The following PUM3 variants were observed in gnomAD, a reference collection of about 807,000 sequenced individuals.
PUM3 encodes pumilio RNA binding family member 3, also known as pumilio homolog 3.
In PUM3, 91 loss-of-function variants were observed where a neutral mutation model predicts 84.0. The ratio of observed to expected loss-of-function variants is 1.08; its 90% CI spans 0.91 to 1.29. The LOEUF (loss-of-function observed/expected upper bound fraction) is 1.29, where lower values mean the gene tolerates loss of function less well. PUM3 is among the 50% of genes most tolerant of loss of function. The pLI, the probability that PUM3 is intolerant of heterozygous loss-of-function variation, is 0.00. For missense variants in PUM3, 1,067 were observed against 767.5 expected (o/e 1.39, Z -4.61); for synonymous variants, 321 against 266.7 (o/e 1.20, Z -1.98).
At chr9:2,828,901 A>T (rs1319208761) in intron 8 of PUM3, 123 bp from the exon 9 acceptor site, 3 of 677,254 alleles carry the variant, frequency 4.4e-6, no homozygotes, top group Non-Finnish European at 7.8e-6. Flanking sequence ...CCATATTTAC[A>T]TAATGAAAGC....
rs940818193 is a variant in PUM3, at chr9:2,833,539, T to C, written c.441-107A>G. The C allele has an allele frequency of 1.1e-4, 63 of 580,250 alleles. No homozygotes were observed. In the Admixed American group the frequency reaches 2.3e-3, roughly 21 times the overall value. The allele number at this position is 580,250 out of a possible 1,614,324, so 35.9% of individuals were successfully genotyped here. On this transcript the variant is annotated intron_variant, in intron 4 of 17. Coordinates refer to ENST00000397885, the MANE Select transcript of PUM3 (RefSeq NM_014878.5). Reference sequence around the variant, plus strand: ...ATGTTCTCCAAGTTCAGCATGATTTTCTTTTCTAAGGCAGCAAACCTCTGC... The same window carrying C: ...ATGTTCTCCAAGTTCAGCATGATTTCCTTTTCTAAGGCAGCAAACCTCTGC...
rs1017424793 is a variant in PUM3 at position 2,811,257 on chromosome 9, A to C, written c.1635+104T>G. On this transcript the variant is annotated intron_variant, in intron 15 of 17. Transcript: ENST00000397885. Reference sequence around the variant, plus strand: ...AGAGGTTCTTGGTTGTTTATTCAACAGGTATCTCCCTCCCCAGCTTTCTTA... The same window carrying C: ...AGAGGTTCTTGGTTGTTTATTCAACCGGTATCTCCCTCCCCAGCTTTCTTA... 2.6e-5 allele frequency: 22 copies of C among 831,282 alleles called. No homozygotes were observed. The Middle Eastern group carries it at 1.1e-3, about 42-fold the overall frequency. 51.5% of individuals were successfully genotyped at this position (831,282 alleles called of 1,614,324 possible). A position where few individuals can be genotyped will look rare whatever the true frequency, so the allele number is the denominator to read the frequency against.
In PUM3 at chr9:2,829,756, G is replaced by C; in HGVS notation, c.852+18C>G. ...TCGAAAAGTAAAAATACTAGAAAAA[G>C]ACTTCTGGAGATGTCACCTTGTAAA... On this transcript the variant is annotated intron_variant, in intron 8 of 17. Transcript: ENST00000397885. 6.3e-7 allele frequency: 1 copy of C among 1,589,194 alleles called. No individual in the cohort carries two copies. Among genetic ancestry groups the C allele is most frequent in the Non-Finnish European group, 8.6e-7 (1 of 1,164,260 alleles).
chr9:2,808,111 C>A, intron 16 of PUM3: 1 of 512,874 alleles, frequency 1.9e-6, no homozygotes, highest in Admixed American at 3.6e-5. Context: ...TAACTCTGAT[C>A]CAAAACCTAA....
rs1321671223 is a variant in PUM3 at position 2,833,970 on chromosome 9, G to C, written c.440+61C>G. On this transcript the variant is annotated intron_variant, in intron 4 of 17. Transcript: ENST00000397885. ...TTTTAGGACATCTCACTATTTACAA[G>C]GTACACTGACTTCTCCACTGTTGCA... 6 of 1,540,006 alleles carry C rather than the reference G, an allele frequency of 3.9e-6. No individual in the cohort carries two copies. The East Asian group carries it at 9.0e-5, about 23-fold the overall frequency.
At chr9:2,816,165 CAAAA>C (rs1821464800) in intron 13 of PUM3, among the ~76,000 whole-genome samples, 1 of 151,942 alleles carries the variant, frequency 6.6e-6, no homozygotes, top group South Asian at 2.1e-4. Flanking sequence ...GCTATGGGGA[CAAAA>C]AGAAATGCAG....
intron 12 of PUM3, among the ~76,000 whole-genome samples, chr9:2,822,071 T>C (rs1285744997): frequency 6.6e-6 from 1 of 152,132 alleles, no homozygotes; most frequent in African/African-American, 2.4e-5. Flanking sequence ...CACATAAGCA[T>C]AACCAAGCAT....
intron 3 of PUM3, among the ~76,000 whole-genome samples, 176 bp from the exon 4 acceptor site, chr9:2,834,342 A>C (rs1204099644): frequency 1.3e-5 from 2 of 152,218 alleles, no homozygotes; most frequent in African/African-American, 4.8e-5. Flanking sequence ...CAGTTTGTAC[A>C]TTTTACATTT....
intron 17 of PUM3, among the ~76,000 whole-genome samples, chr9:2,805,923 TG>T (rs1174681713): frequency 2.0e-5 from 3 of 152,212 alleles, no homozygotes; most frequent in African/African-American, 7.2e-5. Context: ...TCTGCTTCTC[TG>T]AGTTACTTTT....
rs761919592 is a variant in PUM3, at chr9:2,827,098, G to C, written c.1010C>G (p.Thr337Ser). 1.2e-6 allele frequency: 2 copies of C among 1,609,144 alleles called. No individual in the cohort carries two copies. The highest frequency in any genetic ancestry group is 1.7e-6 in the Non-Finnish European group (2 of 1,178,320). Residue 337 changes from threonine to serine, a missense_variant, in exon 10 of 18, where the codon ACC (threonine) becomes AGC (serine). Transcript: ENST00000397885. ...LVHKVFLDFF[T>S]YAPPKLRSEM... Reference sequence around the variant, plus strand: ...TGATCTGAGTTTGGGGGGTGCATAGGTAAAAAAGTCCAAGAATACTTTATG... The same window carrying C: ...TGATCTGAGTTTGGGGGGTGCATAGCTAAAAAAGTCCAAGAATACTTTATG...
At position 2,827,081 on chromosome 9, in the gene PUM3, G is replaced by C. The variant is rs777852143; in HGVS notation, c.1027C>G (p.Leu343Val). The C allele has an allele frequency of 1.2e-6, 2 of 1,608,328 alleles. No individual in the cohort carries two copies. The highest frequency in any genetic ancestry group is 4.5e-5 in the East Asian group (2 of 44,680). The change falls in exon 10 of 18, where the codon CTC (leucine) becomes GTC (valine). Residue 343 changes from leucine to valine, a missense_variant. By Grantham distance (32) the Leu-to-Val change is conservative. Coordinates refer to ENST00000397885, the MANE Select transcript of PUM3 (RefSeq NM_014878.5). The stretch of plus-strand genomic sequence containing the variant: ...AAAAACCAAGAACTTACTGATCTGA[G>C]TTTGGGGGGTGCATAGGTAAAAAAG... ...LDFFTYAPPK[L>V]RSEMIEAIRE...
chr9:2,811,617 G>C (rs370332194), intron 14 of PUM3, 34 bp from the exon 15 acceptor site: 14 of 1,523,530 alleles, frequency 9.2e-6, no homozygotes, highest in Non-Finnish European at 1.2e-5. Context: ...ATTAAGGTAA[G>C]ATAAATCGCA....
chr9:2,823,492 C>G (rs945416099), intron 12 of PUM3, among the ~76,000 whole-genome samples: 1 of 151,862 alleles, frequency 6.6e-6, no homozygotes, highest in African/African-American at 2.4e-5. Flanking sequence ...CATGACTGGA[C>G]AAATTCACCA....
chr9:2,805,211 G>C (rs151157889), intron 17 of PUM3, among the ~76,000 whole-genome samples: 1 of 152,284 alleles, frequency 6.6e-6, no homozygotes, highest in Non-Finnish European at 1.5e-5. Flanking sequence ...CTGACACTTA[G>C]TAAGCACTTA....
At chr9:2,821,443 CAAAAA>C (rs572752267) in intron 12 of PUM3, among the ~76,000 whole-genome samples, 1 of 50,132 alleles carries the variant, frequency 2.0e-5, no homozygotes, top group Non-Finnish European at 3.7e-5. Flanking sequence ...GACTCTGTCT[CAAAAA>C]AAAAAAAAAA....
chr9:2,820,030 C>G lies in PUM3; in HGVS notation c.1257G>C (p.Gln419His). 2 of 1,606,866 alleles carry G rather than the reference C, an allele frequency of 1.2e-6. No homozygotes were observed. The highest frequency in any genetic ancestry group is 1.7e-6 in the Non-Finnish European group (2 of 1,173,904). ...CAGGATTACTTACTGATATGATTATCTGCTTCACAAGCTTAGTATCATCAA... is the reference window on the plus strand; with the variant it reads ...CAGGATTACTTACTGATATGATTATGTGCTTCACAAGCTTAGTATCATCAA... ...DCIDDTKLVKQIIISEIISSL... is the reference protein window; with the variant it reads ...DCIDDTKLVKHIIISEIISSL... Residue 419 changes from glutamine to histidine, a missense_variant, in exon 13 of 18, where the codon CAG becomes CAC. Physicochemically the swap from Gln to His is conservative, Grantham distance 24. Coordinates refer to ENST00000397885, the MANE Select transcript of PUM3 (RefSeq NM_014878.5).
intron 16 of PUM3, among the ~76,000 whole-genome samples, chr9:2,809,112 G>A (rs1325258027): frequency 2.6e-5 from 4 of 152,158 alleles, no homozygotes; most frequent in Non-Finnish European, 5.9e-5. Flanking sequence ...AGATGACTCT[G>A]ACTCTGAGCA....
At chr9:2,809,908 A>C (rs111683725) in intron 16 of PUM3, among the ~76,000 whole-genome samples, 23 of 152,164 alleles carry the variant, frequency 1.5e-4, no homozygotes, top group African/African-American at 5.5e-4. Context: ...TTACGAGGAT[A>C]ATCTTCTTCT....
intron 1 of PUM3, among the ~76,000 whole-genome samples, chr9:2,838,832 A>G (rs1278205373): frequency 2.0e-5 from 3 of 152,230 alleles, no homozygotes; most frequent in Non-Finnish European, 4.4e-5. Context: ...GACACTAAGT[A>G]TAATAAGCAT....
Sources: allele counts gnomAD v4.1 joint callset (sites outside exome capture counted in the v4.1 genomes callset), GRCh38; gene constraint gnomAD v4.1.1; transcripts MANE v1.5; gene names NCBI Gene and HGNC (gene_info 2026-07-23, HGNC 2026-07-21).